Variants in BBX observed in about 807,000 individuals in gnomAD.
BBX encodes the protein BBX high mobility group box domain containing, also known as HMG box transcription factor BBX.
In BBX, 30 loss-of-function variants were observed where a neutral mutation model predicts 100.2. The observed-to-expected ratio is 0.30, with a 90% CI of 0.22 to 0.41. The LOEUF is 0.41. Among genes scored for constraint, BBX ranks in the 10% least tolerant of loss-of-function variants. The pLI, the probability that BBX is intolerant of heterozygous loss-of-function variation, is 1.00. For synonymous variants in BBX, 376 were observed against 388.1 expected, an observed-to-expected ratio of 0.97 and a Z score of 0.37; for missense variants, 1,023 against 1,129.8, an observed-to-expected ratio of 0.91 and a Z score of 1.35.
intron 2 of BBX, among the ~76,000 whole-genome samples, chr3:107,565,993 G>C (rs1257537150): frequency 6.6e-6 from 1 of 151,188 alleles, no homozygotes; most frequent in Non-Finnish European, 1.5e-5. Context: ...GGCCAACATG[G>C]TGAAACCCCA....
At chr3:107,542,856 A>G (rs926008138) in intron 2 of BBX, among the ~76,000 whole-genome samples, 1 of 152,164 alleles carries the variant, frequency 6.6e-6, no homozygotes, top group African/African-American at 2.4e-5. Context: ...TCCACAATGC[A>G]TGGACCAGTC....
At position 107,774,827 on chromosome 3, in the gene BBX, A is replaced by G; in HGVS notation, c.2024A>G (p.Lys675Arg). The G allele has an allele frequency of 6.2e-7, 1 of 1,613,484 alleles. No homozygotes were observed. Among genetic ancestry groups the G allele is most frequent in the South Asian group, 1.1e-5 (1 of 91,048 alleles). Residue 675 changes from lysine to arginine, a missense_variant, in exon 12 of 18, where the codon AAG becomes AGG. Lys to Arg is a conservative substitution (Grantham distance 26). Transcript: ENST00000325805. ...ACCAGTGGGAGCAAGAAGTTCAAGA[A>G]GACAAAGCCAAAAGAAGACTGTCTC... ...SGTSGSKKFKKTKPKEDCLLG... is the reference protein window; with the variant it reads ...SGTSGSKKFKRTKPKEDCLLG...
intron 3 of BBX, among the ~76,000 whole-genome samples, chr3:107,668,561 A>G (rs933829261): frequency 4.6e-5 from 7 of 152,162 alleles, no homozygotes; most frequent in African/African-American, 1.7e-4. Flanking sequence ...ACCACTCTGG[A>G]CCTAAGAAAG....
intron 2 of BBX, among the ~76,000 whole-genome samples, chr3:107,620,275 T>C (rs1443664149): frequency 6.6e-6 from 1 of 152,212 alleles, no homozygotes; most frequent in Non-Finnish European, 1.5e-5. Flanking sequence ...TGGGGAGACA[T>C]TTTATGTTTT....
chr3:107,724,000 T>C (rs1380699005), intron 5 of BBX, among the ~76,000 whole-genome samples: 1 of 152,224 alleles, frequency 6.6e-6, no homozygotes, highest in Non-Finnish European at 1.5e-5. Flanking sequence ...TCTTCCACAA[T>C]GGATGAACTA....
In BBX at chr3:107,730,226, A is replaced by C. The variant is rs1454618920; in HGVS notation, c.601+1266A>C. Among the ~76,000 whole-genome samples, 3 of 152,186 alleles carry C rather than the reference A, an allele frequency of 2.0e-5. No homozygotes were observed. In the East Asian group the frequency reaches 5.8e-4, roughly 29 times the overall value. The stretch of plus-strand genomic sequence containing the variant: ...TACATGTCCCAGAAGAATCAGACAT[A>C]GTTATTTGTCCTTGCTTTAGCTGTC... On this transcript the variant is annotated intron_variant, in intron 6 of 17. Coordinates refer to ENST00000325805, the MANE Select transcript of BBX (RefSeq NM_001142568.3).
chr3:107,551,526 A>G (rs1353314688), intron 2 of BBX, among the ~76,000 whole-genome samples: 3 of 152,246 alleles, frequency 2.0e-5, no homozygotes, highest in Admixed American at 1.3e-4. Flanking sequence ...ATAAATGTAT[A>G]AGACTGTAAG....
chr3:107,535,593 CTTTTTT>C (rs11298693), intron 2 of BBX, among the ~76,000 whole-genome samples: 2 of 132,854 alleles, frequency 1.5e-5, no homozygotes, highest in Non-Finnish European at 1.6e-5. Flanking sequence ...TGCTCTGTTC[CTTTTTT>C]TTTTTTTTTT....
chr3:107,626,937 C>T (rs2056222751), intron 2 of BBX, among the ~76,000 whole-genome samples: 1 of 152,092 alleles, frequency 6.6e-6, no homozygotes, highest in Non-Finnish European at 1.5e-5. Context: ...AAGGTGTGAG[C>T]CACCGCACCT....
chr3:107,607,756 T>G (rs1486918567), intron 2 of BBX, among the ~76,000 whole-genome samples: 1 of 152,202 alleles, frequency 6.6e-6, no homozygotes, highest in Non-Finnish European at 1.5e-5. Flanking sequence ...CCATTTTAAC[T>G]GGGGTGAGAT....
chr3:107,775,006 A>C, intron 12 of BBX, 149 bp downstream of exon 12: 1 of 836,276 alleles, frequency 1.2e-6, no homozygotes. Flanking sequence ...CCTAGTGAAC[A>C]CAAATCAAGT....
At chr3:107,729,114 A>G (rs914212454) in intron 6 of BBX, among the ~76,000 whole-genome samples, 154 bp downstream of exon 6, 4 of 152,314 alleles carry the variant, frequency 2.6e-5, no homozygotes, top group Non-Finnish European at 2.9e-5. Flanking sequence ...GGATCATGAT[A>G]TATATAGAAT....
At position 107,798,814 on chromosome 3, in the gene BBX, C is replaced by T. The variant is rs536583003; in HGVS notation, c.2551+94C>T. On this transcript the variant is annotated intron_variant, in intron 16 of 17. Coordinates refer to ENST00000325805, the MANE Select transcript of BBX (RefSeq NM_001142568.3). ...AATTGTCTTGAGCCACAATGAAATACACTAACAATAGCCAATGAGCTAAAA... is the reference window on the plus strand; with the variant it reads ...AATTGTCTTGAGCCACAATGAAATATACTAACAATAGCCAATGAGCTAAAA... 140 of 934,804 alleles carry T rather than the reference C, an allele frequency of 1.5e-4. 1 individual carries two copies. The South Asian group carries it at 1.9e-3, about 13-fold the overall frequency. The allele number at this position is 934,804 out of a possible 1,614,324, so 57.9% of individuals were successfully genotyped here. A position where few individuals can be genotyped will look rare whatever the true frequency, so the allele number is the denominator to read the frequency against.
chr3:107,555,064 G>A (rs562679575), intron 2 of BBX, among the ~76,000 whole-genome samples: 6 of 148,148 alleles, frequency 4.1e-5, no homozygotes, highest in African/African-American at 7.4e-5. Context: ...GCGAAACTCC[G>A]TCTCAAAACA....
intron 3 of BBX, among the ~76,000 whole-genome samples, chr3:107,684,356 A>C (rs2059724935): frequency 6.6e-6 from 1 of 152,194 alleles, no homozygotes; most frequent in African/African-American, 2.4e-5. Context: ...ACTATGTTTC[A>C]GTTTAAGGTC....
At chr3:107,785,312 C>A (rs1318418416) in intron 13 of BBX, among the ~76,000 whole-genome samples, 4 of 151,910 alleles carry the variant, frequency 2.6e-5, no homozygotes, top group Non-Finnish European at 4.4e-5. Flanking sequence ...CCAATTCATT[C>A]TGTGAGACCT....
In BBX at chr3:107,808,804, C is replaced by T. The variant is rs971547007; in HGVS notation, c.*3347C>T. On this transcript the variant is annotated 3_prime_UTR_variant, in exon 18 of 18. Transcript: ENST00000325805. The stretch of plus-strand genomic sequence containing the variant: ...AAGGTAAATTCTACTGTTGTAATTC[C>T]GATAGTCTTTTTCCCACAAATATCA... The T allele has an allele frequency of 3.9e-5, 6 of 152,094 alleles. No individual in the cohort carries two copies. The highest frequency in any genetic ancestry group is 2.6e-4 in the Admixed American group (4 of 15,280). The allele number at this position is 152,094 out of a possible 1,614,324, so 9.4% of individuals were successfully genotyped here. A position where few individuals can be genotyped will look rare whatever the true frequency, so the allele number is the denominator to read the frequency against.
intron 2 of BBX, among the ~76,000 whole-genome samples, chr3:107,598,976 A>T (rs2053862058): frequency 1.3e-5 from 2 of 152,266 alleles, no homozygotes; most frequent in Admixed American, 1.3e-4. Context: ...GGCCCCAGGC[A>T]GTGACCCTGG....
rs1216506525 is a variant in BBX, at chr3:107,696,096, C to A, written c.-9-14356C>A. Among the ~76,000 whole-genome samples, 83 of 151,618 alleles carry A rather than the reference C, an allele frequency of 5.5e-4. 1 individual carries two copies. Among genetic ancestry groups the A allele is most frequent in the African/African-American group, 1.8e-3 (74 of 41,030 alleles). On this transcript the variant is annotated intron_variant, in intron 3 of 17. Coordinates refer to ENST00000325805, the MANE Select transcript of BBX (RefSeq NM_001142568.3). ...ATTTTGAGCCTATGTGTGTCTCTGC[C>A]CGTGAGATGGGTTTCCTGAATATAG...
Sources: allele counts gnomAD v4.1 joint callset (sites outside exome capture counted in the v4.1 genomes callset), GRCh38; gene constraint gnomAD v4.1.1; transcripts MANE v1.5; gene names NCBI Gene and HGNC (gene_info 2026-07-23, HGNC 2026-07-21).